TRPM3: variants seen among roughly 807,000 people sequenced by gnomAD.
The protein encoded by TRPM3 is long transient receptor potential channel 3.
TRPM3 carries 77 observed loss-of-function variants against 181.2 expected under a neutral mutation model. The observed-to-expected ratio is 0.42, with a 90% confidence interval of 0.35 to 0.51. TRPM3 has a LOEUF of 0.51. Among genes scored for constraint, TRPM3 ranks in the 20% least tolerant of loss-of-function variants. The pLI is 0.01. For synonymous variants in TRPM3, 745 were observed against 796.4 expected (o/e 0.94, Z 1.09); for missense variants, 1,759 against 2,196.7 (o/e 0.80, Z 3.98).
intron 1 of TRPM3, among the ~76,000 whole-genome samples, chr9:71,233,271 C>T (rs2081179060): frequency 6.6e-6 from 1 of 152,130 alleles, no homozygotes; most frequent in African/African-American, 2.4e-5. Context: ...TTAAAGACTC[C>T]ATGCTTCATT....
chr9:70,856,992 AAG>A (rs1217486654), intron 3 of TRPM3, among the ~76,000 whole-genome samples: 1 of 152,296 alleles, frequency 6.6e-6, no homozygotes, highest in East Asian at 1.9e-4. Context: ...CCAGATGTAG[AAG>A]AGTCTTTGAG....
chr9:70,983,927 T>C (rs2097393598), intron 1 of TRPM3, among the ~76,000 whole-genome samples: 1 of 152,178 alleles, frequency 6.6e-6, no homozygotes, highest in Non-Finnish European at 1.5e-5. Context: ...CAGGTTGGCT[T>C]CCTGGGGTGG....
chr9:71,167,956 A>G (rs1294532319), intron 1 of TRPM3, among the ~76,000 whole-genome samples: 4 of 152,200 alleles, frequency 2.6e-5, no homozygotes, highest in African/African-American at 9.6e-5. Context: ...ATCAACTGCT[A>G]AAGAATTATT....
rs77695344 is a variant in TRPM3 at position 70,992,662 on chromosome 9, T to C, written c.178-128151A>G. On this transcript the variant is annotated intron_variant, in intron 1 of 25. Coordinates refer to ENST00000677713, the MANE Select transcript of TRPM3 (RefSeq NM_001366145.2). ...ACTAGTATAACAGTAGAACTGAATT[T>C]TTAATTCTATTTAATTTTAGCTAAT... Among the ~76,000 whole-genome samples, 758 of 152,332 alleles carry C rather than the reference T, an allele frequency of 5.0e-3. 19 individuals are homozygous for C. The East Asian group carries it at 0.078, about 16-fold the overall frequency.
At chr9:71,191,020 T>G (rs1306915979) in intron 1 of TRPM3, among the ~76,000 whole-genome samples, 1 of 151,900 alleles carries the variant, frequency 6.6e-6, no homozygotes, top group African/African-American at 2.4e-5. Flanking sequence ...TTTAATAGTT[T>G]AGACATATTT....
At chr9:70,938,902 G>A (rs994969684) in intron 1 of TRPM3, among the ~76,000 whole-genome samples, 31 of 151,288 alleles carry the variant, frequency 2.0e-4, no homozygotes, top group Non-Finnish European at 3.5e-4. Context: ...AGCTTGCAGT[G>A]AGCCAAGATC....
At chr9:70,810,532 A>G (rs1251018018) in intron 6 of TRPM3, among the ~76,000 whole-genome samples, 2 of 152,004 alleles carry the variant, frequency 1.3e-5, no homozygotes, top group Non-Finnish European at 2.9e-5. Flanking sequence ...ACTAACCACC[A>G]TCTTCTTCCC....
chr9:71,200,599 G>A (rs1223374907), intron 1 of TRPM3, among the ~76,000 whole-genome samples: 2 of 152,184 alleles, frequency 1.3e-5, no homozygotes, highest in African/African-American at 4.8e-5. Flanking sequence ...AGCTCTTCTT[G>A]TTGAATTGAT....
rs556645824 is a variant in TRPM3, at chr9:71,258,283, T to C, written c.183+188370A>G. 2.4e-3 allele frequency among the ~76,000 whole-genome samples: 365 copies of C among 152,306 alleles called. 2 individuals carry two copies. The highest frequency in any genetic ancestry group is 0.017 in the Middle Eastern group (5 of 294). On this transcript the variant is annotated intron_variant, in intron 1 of 24. Transcript: ENST00000357533. ...GAAACTGAGGTTAAGTTCATGCTGC[T>C]GGTTGGAAAGGCTGGGACTTGAACC... is the stretch of plus-strand genomic sequence containing the variant.
intron 1 of TRPM3, among the ~76,000 whole-genome samples, chr9:71,042,633 T>G (rs2058963520): frequency 6.6e-6 from 1 of 152,162 alleles, no homozygotes. Flanking sequence ...TATTTACATG[T>G]AAAAGAAGTG....
At chr9:71,280,709 T>A (rs2084641296) in intron 1 of TRPM3, among the ~76,000 whole-genome samples, 1 of 152,104 alleles carries the variant, frequency 6.6e-6, no homozygotes. Context: ...GGTGCTGGGT[T>A]TTGCTCCCCT....
rs545350629 is a variant in TRPM3 at position 71,424,375 on chromosome 9, C to T, written c.183+22278G>A. On this transcript the variant is annotated intron_variant, in intron 1 of 24. Transcript: ENST00000357533. ...TTTTCCACTAAAACGTTTCAAGAAA[C>T]TCCTTGACCACACATATGGCCAAGG... Among the ~76,000 whole-genome samples, 9 of 152,224 alleles carry T rather than the reference C, an allele frequency of 5.9e-5. 1 individual carries two copies. Among genetic ancestry groups the T allele is most frequent in the Non-Finnish European group, 1.3e-4 (9 of 68,014 alleles).
chr9:71,205,014 G>A (rs2079039225), intron 1 of TRPM3, among the ~76,000 whole-genome samples: 1 of 152,030 alleles, frequency 6.6e-6, no homozygotes, highest in Non-Finnish European at 1.5e-5. Flanking sequence ...ATTGAACAAT[G>A]AGAACACATG....
At chr9:70,916,501 A>C (rs1287272004) in intron 1 of TRPM3, among the ~76,000 whole-genome samples, 1 of 152,196 alleles carries the variant, frequency 6.6e-6, no homozygotes, top group Non-Finnish European at 1.5e-5. Context: ...TGGGGGGCAC[A>C]AAGTTAAGGT....
chr9:70,612,013 G>GTTTC (rs1476413885), intron 18 of TRPM3, among the ~76,000 whole-genome samples: 1 of 152,170 alleles, frequency 6.6e-6, no homozygotes, highest in Non-Finnish European at 1.5e-5. Context: ...CTGAGACTTA[G>GTTTC]TTTCTTTAAC....
At chr9:70,833,331 C>G (rs1266964871) in intron 5 of TRPM3, among the ~76,000 whole-genome samples, 2 of 152,188 alleles carry the variant, frequency 1.3e-5, no homozygotes, top group African/African-American at 4.8e-5. Context: ...CTTCTGCAAT[C>G]CCAAACCTCA....
chr9:71,106,997 G>A (rs1004915805), intron 1 of TRPM3, among the ~76,000 whole-genome samples: 2 of 152,164 alleles, frequency 1.3e-5, no homozygotes, highest in African/African-American at 4.8e-5. Context: ...CATTTGCGCA[G>A]CTGGGGACAA....
At chr9:71,084,144 C>T (rs903199115) in intron 1 of TRPM3, among the ~76,000 whole-genome samples, 59 of 152,088 alleles carry the variant, frequency 3.9e-4, no homozygotes, top group African/African-American at 1.4e-3. Flanking sequence ...TAGGTACTTC[C>T]TGAATATTTC....
chr9:70,921,169 C>A (rs2096649507), intron 1 of TRPM3, among the ~76,000 whole-genome samples: 1 of 152,218 alleles, frequency 6.6e-6, no homozygotes, highest in African/African-American at 2.4e-5. Context: ...TTCTTCTCTA[C>A]ACAGGTTGTT....
Sources: allele counts gnomAD v4.1 joint callset (sites outside exome capture counted in the v4.1 genomes callset), GRCh38; gene constraint gnomAD v4.1.1; transcripts MANE v1.5; gene names NCBI Gene and HGNC (gene_info 2026-07-23, HGNC 2026-07-21).